IRF5: variants seen among roughly 807,000 people sequenced by gnomAD.
The protein encoded by IRF5 is interferon regulatory factor 5.
Under a neutral mutation model 55.1 loss-of-function variants are expected in IRF5, and 24 were observed. The observed-to-expected ratio is 0.44, with a 90% CI of 0.32 to 0.61. The LOEUF is 0.61. Ranked by LOEUF, IRF5 falls within the 20% of genes least tolerant of loss-of-function variation. IRF5 has a pLI of 0.07. For synonymous variants in IRF5, 258 were observed against 260.2 expected, an observed-to-expected ratio of 0.99 and a Z score of 0.08; for missense variants, 499 against 658.5, an observed-to-expected ratio of 0.76 and a Z score of 2.65.
Position 128,947,003 on chromosome 7 carries a change from T to C in IRF5, c.448-20T>C, listed in dbSNP as rs866877140. ...TTTCTCTCCCATCTCTTCCCTCCCTTGCTGGTGGTGTCCCTTCAGCTGCAG... is the reference window on the plus strand; with the variant it reads ...TTTCTCTCCCATCTCTTCCCTCCCTCGCTGGTGGTGTCCCTTCAGCTGCAG... On this transcript the variant is annotated intron_variant, in intron 4 of 8. Coordinates refer to ENST00000357234, the MANE Select transcript of IRF5 (RefSeq NM_001098629.3). The surrounding 1 kb of genome is among the most constrained non-coding windows in gnomAD (Gnocchi z 6.5). The C allele has an allele frequency of 3.7e-6, 6 of 1,613,982 alleles. No individual in the cohort carries two copies. Among genetic ancestry groups the C allele is most frequent in the Middle Eastern group, 1.7e-4 (1 of 6,026 alleles).
Position 128,947,698 on chromosome 7 carries a change from G to T in IRF5, c.788-31G>T. Reference sequence around the variant, plus strand: ...CAGAATGGGGAGGCGTGGGGCTCAAGGACGGGATGGGCCTGCCTTCTGCCC... The same window carrying T: ...CAGAATGGGGAGGCGTGGGGCTCAATGACGGGATGGGCCTGCCTTCTGCCC... On this transcript the variant is annotated intron_variant, in intron 6 of 8. Coordinates refer to ENST00000357234, the MANE Select transcript of IRF5 (RefSeq NM_001098629.3). The surrounding 1 kb of genome is among the most constrained non-coding windows in gnomAD (Gnocchi z 6.5). 6.4e-7 allele frequency: 1 copy of T among 1,562,418 alleles called. No individual in the cohort carries two copies.
Position 128,949,147 on chromosome 7 carries a change from G to A in IRF5, c.*329G>A. ...CTCTTGTGATTGCCCCATTTCCTCT[G>A]GCAACAAAAGCCAGAGTGTTGTGGG... On this transcript the variant is annotated 3_prime_UTR_variant, in exon 9 of 9. Coordinates refer to ENST00000357234, the MANE Select transcript of IRF5 (RefSeq NM_001098629.3). The A allele has an allele frequency of 3.6e-6, 1 of 281,256 alleles. No homozygotes were observed. The highest frequency in any genetic ancestry group is 2.2e-5 in the African/African-American group (1 of 46,078). 17.4% of individuals were successfully genotyped at this position (281,256 alleles called of 1,614,324 possible).
In IRF5 at chr7:128,949,261, A is replaced by T. The variant is rs181990029; in HGVS notation, c.*443A>T. The T allele has an allele frequency of 2.6e-3, 446 of 169,130 alleles. 4 individuals carry two copies. Among genetic ancestry groups the T allele is most frequent in the Non-Finnish European group, 2.4e-3 (186 of 78,450 alleles). 10.5% of individuals were successfully genotyped at this position (169,130 alleles called of 1,614,324 possible). On this transcript the variant is annotated 3_prime_UTR_variant, in exon 9 of 9. Coordinates refer to ENST00000357234, the MANE Select transcript of IRF5 (RefSeq NM_001098629.3). Reference sequence around the variant, plus strand: ...CCTCATCTCCCTGTCCTCTGAGATAATATGAGTGAGCACTTAGGTATCATA... The same window carrying T: ...CCTCATCTCCCTGTCCTCTGAGATATTATGAGTGAGCACTTAGGTATCATA...
Position 128,948,429 on chromosome 7 carries a change from T to C in IRF5, c.1299+101T>C. ...TGGAGGCTCAGGGCTCCCTGAGCAG[T>C]GTGAACTTGGCGGCCAGAGACCATC... On this transcript the variant is annotated intron_variant, in intron 8 of 8. Transcript: ENST00000357234. This position sits in a 1 kb window ranked among gnomAD's most constrained non-coding sequence, Gnocchi z 4.6. 1.4e-6 allele frequency: 2 copies of C among 1,461,044 alleles called. No individual in the cohort carries two copies. Among genetic ancestry groups the C allele is most frequent in the South Asian group, 1.3e-5 (1 of 78,378 alleles). The allele number at this position is 1,461,044 out of a possible 1,614,324, so 90.5% of individuals were successfully genotyped here.
Position 128,948,370 on chromosome 7 carries a change from TG to T in IRF5, c.1299+46del, listed in dbSNP as rs781040891. ...CCAAAGTCGGCCTTGGCTTGAAAACTGGGGAATCCTGGGGCTAGGCCCTTGC... is the reference window on the plus strand; with the variant it reads ...CCAAAGTCGGCCTTGGCTTGAAAACTGGGAATCCTGGGGCTAGGCCCTTGC... On this transcript the variant is annotated intron_variant, in intron 8 of 8. Coordinates refer to ENST00000357234, the MANE Select transcript of IRF5 (RefSeq NM_001098629.3). The surrounding 1 kb of genome is among the most constrained non-coding windows in gnomAD (Gnocchi z 4.6). The T allele has an allele frequency of 6.6e-7, 1 of 1,514,988 alleles. No homozygotes were observed. Among genetic ancestry groups the T allele is most frequent in the Non-Finnish European group, 8.9e-7 (1 of 1,120,396 alleles). 93.8% of individuals were successfully genotyped at this position (1,514,988 alleles called of 1,614,324 possible). A position where few individuals can be genotyped will look rare whatever the true frequency, so the allele number is the denominator to read the frequency against.
At chr7:128,938,634 C>A (rs1457010893) in intron 1 of IRF5, among the ~76,000 whole-genome samples, 1 of 152,210 alleles carries the variant, frequency 6.6e-6, no homozygotes, top group Non-Finnish European at 1.5e-5. Context: ...CAGGTAGAGG[C>A]TGCGTCCCTG....
Position 128,946,437 on chromosome 7 carries a change from G to GGAT in IRF5, c.386-63_386-61dup. On this transcript the variant is annotated intron_variant, in intron 3 of 8. Transcript: ENST00000357234. This position sits in a 1 kb window ranked among gnomAD's most constrained non-coding sequence, Gnocchi z 4.2. ...TAGGAGCTACAGGCAGCCTCTCAGGGGATCTTGCTTCTCCTCCGACATTGA... is the reference window on the plus strand; with the variant it reads ...TAGGAGCTACAGGCAGCCTCTCAGGGGATGATCTTGCTTCTCCTCCGACATTGA... The GGAT allele has an allele frequency of 6.4e-7, 1 of 1,552,730 alleles. No homozygotes were observed. The highest frequency in any genetic ancestry group is 2.4e-5 in the East Asian group (1 of 42,084).
intron 1 of IRF5, chr7:128,941,401 G>C (rs565085341): frequency 6.6e-6 from 1 of 152,494 alleles, no homozygotes; most frequent in East Asian, 1.9e-4. Flanking sequence ...GGTAACATCT[G>C]TTTGGTGCCT....
chr7:128,948,458 G>A lies in IRF5; in HGVS notation c.1300-115G>A. ...AACTTGGCGGCCAGAGACCATCAAG[G>A]CTCAGAGCCGGAGAATGCGGTCTAT... is the stretch of plus-strand genomic sequence containing the variant. On this transcript the variant is annotated intron_variant, in intron 8 of 8. Transcript: ENST00000357234. This position sits in a 1 kb window ranked among gnomAD's most constrained non-coding sequence, Gnocchi z 4.6. The A allele has an allele frequency of 6.7e-7, 1 of 1,500,736 alleles. No homozygotes were observed. The highest frequency in any genetic ancestry group is 9.1e-7 in the Non-Finnish European group (1 of 1,101,934). 93.0% of individuals were successfully genotyped at this position (1,500,736 alleles called of 1,614,324 possible).
rs368255860 is a variant in IRF5 at position 128,947,921 on chromosome 7, G to A, written c.980G>A (p.Arg327His). Residue 327 changes from arginine (R) to histidine (H), a missense_variant, in exon 7 of 9, where the codon CGC (arginine) becomes CAC (histidine). By Grantham distance (29) the Arg-to-His change is conservative. Around this residue, in one of 2 missense-constraint regions of IRF5, gnomAD observed 194 missense variants for 318.3 expected, o/e 0.61. Coordinates refer to ENST00000357234, the MANE Select transcript of IRF5 (RefSeq NM_001098629.3). The surrounding 1 kb of genome is among the most constrained non-coding windows in gnomAD (Gnocchi z 6.5). ...GAGGACATCCCCAGTGACAAGCAGCGCTTCTACACGAACCAGCTGCTGGAT... is the reference window on the plus strand; with the variant it reads ...GAGGACATCCCCAGTGACAAGCAGCACTTCTACACGAACCAGCTGCTGGAT... ...SPEDIPSDKQ[R>H]FYTNQLLDVL... is the part of the protein sequence containing the mutation. The A allele has an allele frequency of 2.5e-6, 4 of 1,613,916 alleles. No individual in the cohort carries two copies. The highest frequency in any genetic ancestry group is 2.7e-5 in the African/African-American group (2 of 74,874).
Position 128,946,968 on chromosome 7 carries a change from C to A in IRF5, c.448-55C>A. On this transcript the variant is annotated intron_variant, in intron 4 of 8. Coordinates refer to ENST00000357234, the MANE Select transcript of IRF5 (RefSeq NM_001098629.3). This position sits in a 1 kb window ranked among gnomAD's most constrained non-coding sequence, Gnocchi z 4.2. ...CCCCAGCCCCAGGTCAGTGGAATAA[C>A]CTGTCCTCCTTTCTCTCCCATCTCT... 4 of 1,602,904 alleles carry A rather than the reference C, an allele frequency of 2.5e-6. No homozygotes were observed. The highest frequency in any genetic ancestry group is 3.4e-6 in the Non-Finnish European group (4 of 1,170,362).
chr7:128,946,636 C>A lies in IRF5; in HGVS notation c.447+74C>A. The stretch of plus-strand genomic sequence containing the variant: ...TGTCCCCATCGGCCTTAGGTTTCCG[C>A]AGCCCCACTCCCATGGAGCCCCGTG... On this transcript the variant is annotated intron_variant, in intron 4 of 8. Coordinates refer to ENST00000357234, the MANE Select transcript of IRF5 (RefSeq NM_001098629.3). This position sits in a 1 kb window ranked among gnomAD's most constrained non-coding sequence, Gnocchi z 4.2. 1 of 978,018 alleles carries A rather than the reference C, an allele frequency of 1.0e-6. No individual in the cohort carries two copies. Among genetic ancestry groups the A allele is most frequent in the Non-Finnish European group, 1.6e-6 (1 of 631,714 alleles). 60.6% of individuals were successfully genotyped at this position (978,018 alleles called of 1,614,324 possible).
rs549327888 is a variant in IRF5, at chr7:128,948,441, G to T, written c.1299+113G>T. On this transcript the variant is annotated intron_variant, in intron 8 of 8. Coordinates refer to ENST00000357234, the MANE Select transcript of IRF5 (RefSeq NM_001098629.3). This position sits in a 1 kb window ranked among gnomAD's most constrained non-coding sequence, Gnocchi z 4.6. ...GCTCCCTGAGCAGTGTGAACTTGGCGGCCAGAGACCATCAAGGCTCAGAGC... is the reference window on the plus strand; with the variant it reads ...GCTCCCTGAGCAGTGTGAACTTGGCTGCCAGAGACCATCAAGGCTCAGAGC... 5 of 1,469,744 alleles carry T rather than the reference G, an allele frequency of 3.4e-6. No individual in the cohort carries two copies. The highest frequency in any genetic ancestry group is 3.7e-6 in the Non-Finnish European group (4 of 1,076,450). The allele number at this position is 1,469,744 out of a possible 1,614,324, so 91.0% of individuals were successfully genotyped here.
Position 128,949,962 on chromosome 7 carries a change from T to C in IRF5, c.*1144T>C, listed in dbSNP as rs1796533807. 6.6e-6 allele frequency: 1 copy of C among 152,176 alleles called. No homozygotes were observed. Among genetic ancestry groups the C allele is most frequent in the Admixed American group, 6.5e-5 (1 of 15,274 alleles). 9.4% of individuals were successfully genotyped at this position (152,176 alleles called of 1,614,324 possible). On this transcript the variant is annotated 3_prime_UTR_variant, in exon 9 of 9. Coordinates refer to ENST00000357234, the MANE Select transcript of IRF5 (RefSeq NM_001098629.3). ...TTGAGTGGAAGCTGCCCCAGGCCCT[T>C]ACCAGGTGCAGATGCCCAATCTTGA...
chr7:128,944,106 CAAG>C (rs1392896060), intron 2 of IRF5, among the ~76,000 whole-genome samples: 1 of 152,168 alleles, frequency 6.6e-6, no homozygotes, highest in African/African-American at 2.4e-5. Flanking sequence ...AAATTGGAAT[CAAG>C]TGAATATCTT....
chr7:128,943,707 ATTTTTTTTTTTTTTTTTT>A lies in IRF5; in HGVS notation c.195+1449_195+1466del, dbSNP rs61451031. 2.0e-3 allele frequency among the ~76,000 whole-genome samples: 144 copies of A among 71,938 alleles called. 2 individuals are homozygous for A. Among genetic ancestry groups the A allele is most frequent in the Admixed American group, 8.4e-3 (38 of 4,500 alleles). 47.2% of individuals were successfully genotyped at this position (71,938 alleles called of 152,430 possible). ...AGGCACCTGCCACCATGCCCGGCTA[ATTTTTTTTTTTTTTTTTT>A]TTTTTTTTTTTTTTTTTGTATTTTT... On this transcript the variant is annotated intron_variant, in intron 2 of 8. Coordinates refer to ENST00000357234, the MANE Select transcript of IRF5 (RefSeq NM_001098629.3).
intron 2 of IRF5, among the ~76,000 whole-genome samples, chr7:128,943,707 ATTTTTTTTTTTTT>A (rs61451031): frequency 5.6e-4 from 40 of 71,932 alleles, no homozygotes; most frequent in South Asian, 3.6e-3. Flanking sequence ...TGCCCGGCTA[ATTTTTTTTTTTTT>A]TTTTTTTTTT....
chr7:128,940,306 C>T (rs1190239266), intron 1 of IRF5: 1 of 152,378 alleles, frequency 6.6e-6, no homozygotes, highest in African/African-American at 2.4e-5. Context: ...GCCTGCACGG[C>T]CTCAGCCCAG....
At chr7:128,939,491 A>G (rs1035000287) in intron 1 of IRF5, among the ~76,000 whole-genome samples, 1 of 152,096 alleles carries the variant, frequency 6.6e-6, no homozygotes, top group Non-Finnish European at 1.5e-5. Flanking sequence ...CAGGGCCTGT[A>G]CAGGGAACCC....
Sources: gnomAD v4.1 joint callset for allele counts (sites outside exome capture counted in the v4.1 genomes callset) on GRCh38, gnomAD v4.1.1 for gene constraint, gnomAD v4.1.1 regional missense constraint, Gnocchi (gnomAD v3.1) non-coding constraint, MANE v1.5 for transcripts, NCBI Gene and HGNC (gene_info 2026-07-23, HGNC 2026-07-21) for gene names.